The following GRIA4 variants were observed in gnomAD, a reference collection of about 807,000 sequenced individuals.
GRIA4 encodes glutamate receptor 4.
GRIA4 carries 34 observed loss-of-function variants against 104.0 expected under a neutral mutation model. That is an observed-to-expected ratio of 0.33 (90% CI 0.25 to 0.44). The LOEUF is 0.44. Ranked by LOEUF, GRIA4 falls within the 20% of genes least tolerant of loss-of-function variation. The probability of loss-of-function intolerance (pLI) is 1.00; values close to 1 mark genes in which losing one functional copy is unlikely to be tolerated. For synonymous variants in GRIA4, 386 were observed against 381.9 expected (o/e 1.01, Z -0.13); for missense variants, 750 against 1,096.5 (o/e 0.68, Z 4.46).
At chr11:105,744,321 CCT>C (rs1226730704) in intron 3 of GRIA4, among the ~76,000 whole-genome samples, 1 of 152,258 alleles carries the variant, frequency 6.6e-6, no homozygotes, top group East Asian at 1.9e-4. Flanking sequence ...GTTAAATCCA[CCT>C]CTTTTTTGGA....
intron 4 of GRIA4, among the ~76,000 whole-genome samples, chr11:105,835,295 T>C (rs1377106136): frequency 3.3e-5 from 5 of 151,972 alleles, no homozygotes; most frequent in Non-Finnish European, 7.4e-5. Context: ...TATACGTGAG[T>C]GGTACAACCA....
chr11:105,642,755 T>C (rs1320299430), intron 3 of GRIA4, among the ~76,000 whole-genome samples: 1 of 152,160 alleles, frequency 6.6e-6, no homozygotes, highest in East Asian at 1.9e-4. Context: ...ATCTTGTCTA[T>C]GTTTAATTCT....
intron 4 of GRIA4, among the ~76,000 whole-genome samples, chr11:105,800,548 T>C (rs1942677494): frequency 6.6e-6 from 1 of 152,032 alleles, no homozygotes; most frequent in South Asian, 2.1e-4. Context: ...AAAACAAAAA[T>C]ACATAAAATT....
intron 4 of GRIA4, among the ~76,000 whole-genome samples, chr11:105,788,677 G>T (rs1346222990): frequency 6.6e-6 from 1 of 152,128 alleles, no homozygotes; most frequent in Non-Finnish European, 1.5e-5. Flanking sequence ...TCACTTATAA[G>T]TGGGAGCTAA....
At chr11:105,881,087 C>A (rs1451746374) in intron 5 of GRIA4, among the ~76,000 whole-genome samples, 1 of 152,262 alleles carries the variant, frequency 6.6e-6, no homozygotes, top group African/African-American at 2.4e-5. Context: ...ATTTATCAAG[C>A]AAATTGCCAT....
Position 105,722,972 on chromosome 11 carries a change from C to G in GRIA4, c.248-30009C>G, listed in dbSNP as rs187654731. On this transcript the variant is annotated intron_variant, in intron 3 of 16. Transcript: ENST00000282499. Reference sequence around the variant, plus strand: ...TATTTTTTCTTTTAAATGATTTTTACTTAACTAAATATTTGAACTTTTAGT... The same window carrying G: ...TATTTTTTCTTTTAAATGATTTTTAGTTAACTAAATATTTGAACTTTTAGT... 2.2e-3 allele frequency among the ~76,000 whole-genome samples: 333 copies of G among 152,064 alleles called. 3 individuals are homozygous for G. The highest frequency in any genetic ancestry group is 3.0e-3 in the Non-Finnish European group (203 of 67,966).
At chr11:105,674,895 C>A (rs1952486597) in intron 3 of GRIA4, among the ~76,000 whole-genome samples, 2 of 151,886 alleles carry the variant, frequency 1.3e-5, no homozygotes, top group South Asian at 4.1e-4. Context: ...GTAGTGATAG[C>A]CCATCATCTT....
In GRIA4 at chr11:105,933,810, T is replaced by C; in HGVS notation, c.2135T>C (p.Val712Ala). The C allele has an allele frequency of 6.2e-7, 1 of 1,613,086 alleles. No individual in the cohort carries two copies. Among genetic ancestry groups the C allele is most frequent in the South Asian group, 1.1e-5 (1 of 91,072 alleles). ...TTCACTAGGACTACAGCTGAGGGAG[T>C]AGCTCGTGTCCGCAAATCCAAGGGC... ...SVFTRTTAEGVARVRKSKGKF... is the reference protein window; with the variant it reads ...SVFTRTTAEGAARVRKSKGKF... Residue 712 changes from valine (V) to alanine (A), a missense_variant, in exon 14 of 17, where the codon GTA (valine) becomes GCA (alanine). This residue lies in a region of GRIA4 where 272 missense variants were observed against 524.5 expected (regional missense o/e 0.52). Transcript: ENST00000282499.
intron 9 of GRIA4, 25 bp downstream of exon 9, chr11:105,905,326 C>CAG: frequency 4.9e-6 from 6 of 1,214,262 alleles, no homozygotes; most frequent in Non-Finnish European, 4.9e-6. Flanking sequence ...AACTGAAAAA[C>CAG]AGAATTCTCT....
intron 4 of GRIA4, among the ~76,000 whole-genome samples, chr11:105,791,021 C>T (rs1942191101): frequency 6.6e-6 from 1 of 152,124 alleles, no homozygotes; most frequent in African/African-American, 2.4e-5. Context: ...TGAGTGTGGC[C>T]CTCCCACTGG....
At chr11:105,689,587 C>T (rs1159993148) in intron 3 of GRIA4, among the ~76,000 whole-genome samples, 2 of 152,130 alleles carry the variant, frequency 1.3e-5, no homozygotes, top group African/African-American at 4.8e-5. Context: ...GAACATTACA[C>T]ATTTTATTGG....
At chr11:105,890,676 A>T (rs1300733311) in intron 6 of GRIA4, among the ~76,000 whole-genome samples, 1 of 152,092 alleles carries the variant, frequency 6.6e-6, no homozygotes, top group Admixed American at 6.6e-5. Flanking sequence ...TTCCCTTAAT[A>T]CTCAAGCCTG....
At chr11:105,788,490 A>G (rs983037514) in intron 4 of GRIA4, among the ~76,000 whole-genome samples, 4 of 152,198 alleles carry the variant, frequency 2.6e-5, no homozygotes, top group Non-Finnish European at 2.9e-5. Context: ...TGAATCAACC[A>G]AAGTGTCCAT....
chr11:105,702,925 C>A (rs1358803541), intron 3 of GRIA4, among the ~76,000 whole-genome samples: 1 of 151,954 alleles, frequency 6.6e-6, no homozygotes, highest in Non-Finnish European at 1.5e-5. Flanking sequence ...GAACTCCTGA[C>A]CACAAGTGAT....
chr11:105,812,217 CACTT>C (rs1943200830), intron 4 of GRIA4, among the ~76,000 whole-genome samples: 1 of 152,126 alleles, frequency 6.6e-6, no homozygotes, highest in Non-Finnish European at 1.5e-5. Context: ...CATGATTGTC[CACTT>C]GCTGGTGGAA....
chr11:105,812,627 C>T (rs1057176841), intron 4 of GRIA4, among the ~76,000 whole-genome samples: 2 of 152,106 alleles, frequency 1.3e-5, no homozygotes, highest in East Asian at 3.9e-4. Context: ...CACAATGTCC[C>T]TCTTTCCCCT....
At chr11:105,772,693 T>C (rs1238373498) in intron 4 of GRIA4, among the ~76,000 whole-genome samples, 2 of 151,922 alleles carry the variant, frequency 1.3e-5, no homozygotes. Context: ...CACACACACA[T>C]ATTTGCATAT....
At chr11:105,809,311 G>A (rs1183966672) in intron 4 of GRIA4, among the ~76,000 whole-genome samples, 2 of 152,074 alleles carry the variant, frequency 1.3e-5, no homozygotes, top group African/African-American at 4.8e-5. Flanking sequence ...TCAAATCTAG[G>A]TAACTGGGAT....
chr11:105,626,751 T>A (rs1231325161), intron 3 of GRIA4, among the ~76,000 whole-genome samples: 1 of 152,186 alleles, frequency 6.6e-6, no homozygotes, highest in African/African-American at 2.4e-5. Context: ...ATTCAGGAAT[T>A]TTTTATGTAG....
Sources: gnomAD v4.1 joint callset for allele counts (sites outside exome capture counted in the v4.1 genomes callset) on GRCh38, gnomAD v4.1.1 for gene constraint, gnomAD v4.1.1 regional missense constraint, MANE v1.5 for transcripts, NCBI Gene and HGNC (gene_info 2026-07-23, HGNC 2026-07-21) for gene names.